MYO5C: variants seen among roughly 807,000 people sequenced by gnomAD.
MYO5C encodes the protein myosin VC, also known as unconventional myosin-Vc.
A neutral mutation model predicts 235.7 loss-of-function variants in MYO5C; 194 were observed. The observed-to-expected ratio is 0.82, with a 90% CI of 0.73 to 0.93. MYO5C has a LOEUF of 0.93. MYO5C is among the 40% of genes least tolerant of loss of function. The probability of loss-of-function intolerance (pLI) is 0.00; values close to 1 mark genes in which losing one functional copy is unlikely to be tolerated. For synonymous variants in MYO5C, 707 were observed against 754.8 expected, an observed-to-expected ratio of 0.94 and a Z score of 1.04; for missense variants, 2,038 against 2,127.2, an observed-to-expected ratio of 0.96 and a Z score of 0.82.
chr15:52,277,693 G>C (rs996634378), intron 4 of MYO5C: 5 of 377,000 alleles, frequency 1.3e-5, no homozygotes, highest in Non-Finnish European at 2.6e-5. Flanking sequence ...ATGGAAGACA[G>C]AGGTGAGAAC....
chr15:52,244,552 G>C lies in MYO5C; in HGVS notation c.2194C>G (p.Gln732Glu). The C allele has an allele frequency of 2.5e-6, 4 of 1,609,904 alleles. No individual in the cohort carries two copies. The highest frequency in any genetic ancestry group is 2.5e-6 in the Non-Finnish European group (3 of 1,176,946). The stretch of plus-strand genomic sequence containing the variant: ...AAGAAAATTTTGGTTTTACCAAACT[G>C]GTACTGATTAGAATCCTGGAAGAGA... ...HRLIQDSNQY[Q>E]FGKTKIFFRA... Residue 732 changes from glutamine (Q) to glutamate (E), a missense_variant, in exon 19 of 41, where the codon CAG becomes GAG. Transcript: ENST00000261839.
intron 20 of MYO5C, among the ~76,000 whole-genome samples, chr15:52,241,213 G>A (rs2036212606): frequency 6.7e-6 from 1 of 149,822 alleles, no homozygotes; most frequent in African/African-American, 2.5e-5. Flanking sequence ...CTGGCTGTGA[G>A]AGCTCTCTAC....
At chr15:52,216,094 C>T (rs1283686667) in intron 32 of MYO5C, among the ~76,000 whole-genome samples, 2 of 152,168 alleles carry the variant, frequency 1.3e-5, no homozygotes, top group African/African-American at 2.4e-5. Flanking sequence ...ATGATCCATA[C>T]CTTCAAATAA....
chr15:52,211,610 A>G (rs942008944), intron 35 of MYO5C, 120 bp downstream of exon 35: 37 of 1,145,396 alleles, frequency 3.2e-5, no homozygotes. Context: ...TTGGGCCTCA[A>G]ACTTGTTTGA....
chr15:52,293,278 T>C (rs61036537), intron 1 of MYO5C, among the ~76,000 whole-genome samples: 1 of 152,062 alleles, frequency 6.6e-6, no homozygotes, highest in Non-Finnish European at 1.5e-5. Context: ...GCCCTTCTGC[T>C]TCCTCTCACT....
At chr15:52,259,317 G>A (rs2036643082) in intron 10 of MYO5C, among the ~76,000 whole-genome samples, 1 of 151,890 alleles carries the variant, frequency 6.6e-6, no homozygotes, top group Non-Finnish European at 1.5e-5. Context: ...CTACCCAGGA[G>A]GCTGAGACAG....
At position 52,283,712 on chromosome 15, in the gene MYO5C, G is replaced by C. The variant is rs2037205243; in HGVS notation, c.28-820C>G. ...TTTTTTGAGATGGATTTTCATTCTT[G>C]TTGCCCAGGCTGTAGTGCAACAGCA... On this transcript the variant is annotated intron_variant, in intron 1 of 40. Coordinates refer to ENST00000261839, the MANE Select transcript of MYO5C (RefSeq NM_018728.4). Among the ~76,000 whole-genome samples the C allele has an allele frequency of 2.0e-5, 3 of 150,936 alleles. No homozygotes were observed. In the South Asian group the frequency reaches 6.3e-4, roughly 32 times the overall value.
At chr15:52,279,783 A>G (rs767503501) in intron 2 of MYO5C, 109 bp from the exon 3 acceptor site, 154 of 1,035,312 alleles carry the variant, frequency 1.5e-4, no homozygotes, top group Non-Finnish European at 2.0e-4. Context: ...CATCACTGAC[A>G]TTAAAAAGCA....
chr15:52,244,353 T>G lies in MYO5C; in HGVS notation c.2390+3A>C. The G allele has an allele frequency of 2.5e-6, 4 of 1,611,688 alleles. No homozygotes were observed. On this transcript the variant is annotated splice_donor_region_variant and intron_variant, in intron 19 of 40. Coordinates refer to ENST00000261839, the MANE Select transcript of MYO5C (RefSeq NM_018728.4). ...CCACATGTGTTCCTTGATTCCAACA[T>G]ACCTCACAGTTTGCTGACCCCGGAA... is the stretch of plus-strand genomic sequence containing the variant.
At chr15:52,280,958 G>A (rs2140859336) in intron 2 of MYO5C, among the ~76,000 whole-genome samples, 1 of 152,278 alleles carries the variant, frequency 6.6e-6, no homozygotes, top group African/African-American at 2.4e-5. Context: ...ATCCACAACT[G>A]GACACGGATG....
chr15:52,214,731 C>A, intron 32 of MYO5C, 41 bp from the exon 33 acceptor site: 7 of 1,303,930 alleles, frequency 5.4e-6, no homozygotes, highest in Non-Finnish European at 7.3e-6. Flanking sequence ...CTTAGAAGCA[C>A]TTTAATCTAT....
rs2034987984 is a variant in MYO5C, at chr15:52,193,881, G to A, written c.*21C>T. ...CCTTCACTTAGCTTTTGAAGAAAAA[G>A]TGCATTGACTTTTTCTCCTGCTATA... is the stretch of plus-strand genomic sequence containing the variant. On this transcript the variant is annotated 3_prime_UTR_variant, in exon 41 of 41. Transcript: ENST00000261839. 5.0e-6 allele frequency: 8 copies of A among 1,597,422 alleles called. No individual in the cohort carries two copies. Among genetic ancestry groups the A allele is most frequent in the Non-Finnish European group, 6.8e-6 (8 of 1,175,216 alleles).
At chr15:52,218,017 G>A (rs1486548993) in intron 32 of MYO5C, among the ~76,000 whole-genome samples, 1 of 152,180 alleles carries the variant, frequency 6.6e-6, no homozygotes, top group African/African-American at 2.4e-5. Context: ...ATTTTGGTAA[G>A]GGCATTTAAA....
chr15:52,241,018 G>C (rs1288879903), intron 20 of MYO5C, among the ~76,000 whole-genome samples: 1 of 152,000 alleles, frequency 6.6e-6, no homozygotes, highest in East Asian at 1.9e-4. Context: ...TTATTTTTTT[G>C]CCGTATGAAA....
chr15:52,229,320 AGC>A lies in MYO5C; in HGVS notation c.3027-9_3027-8del. ...AAAACTTTTTTCAAGAAGCCTACGC[AGC>A]AAAAGAAGAAAATAATTTAGAGCTG... On this transcript the variant is annotated splice_polypyrimidine_tract_variant and splice_region_variant and intron_variant, in intron 24 of 40. Transcript: ENST00000261839. 1 of 1,608,460 alleles carries A rather than the reference AGC, an allele frequency of 6.2e-7. No individual in the cohort carries two copies. Among genetic ancestry groups the A allele is most frequent in the Non-Finnish European group, 8.5e-7 (1 of 1,179,326 alleles).
At chr15:52,220,359 T>C (rs890848973) in intron 30 of MYO5C, among the ~76,000 whole-genome samples, 2 of 152,136 alleles carry the variant, frequency 1.3e-5, no homozygotes, top group African/African-American at 2.4e-5. Flanking sequence ...TATTTTTTTG[T>C]ATGTTTTTTC....
intron 36 of MYO5C, among the ~76,000 whole-genome samples, chr15:52,206,614 A>C (rs1405886526): frequency 6.6e-6 from 1 of 152,154 alleles, no homozygotes; most frequent in Non-Finnish European, 1.5e-5. Context: ...CTGTGAGGAC[A>C]CAGGGATGGA....
intron 38 of MYO5C, among the ~76,000 whole-genome samples, chr15:52,197,109 CATATG>C (rs1393186716): frequency 1.3e-5 from 2 of 152,162 alleles, no homozygotes; most frequent in African/African-American, 4.8e-5. Context: ...ACAGACTTAC[CATATG>C]ACACAGCAAT....
In MYO5C at chr15:52,246,026, T is replaced by C; in HGVS notation, c.1996A>G (p.Ile666Val). 1 of 1,614,090 alleles carries C rather than the reference T, an allele frequency of 6.2e-7. No homozygotes were observed. ...KLPFEFDSKR[I>V]VQQLRACGVL... ...CCGCAGGCTCGCAGCTGCTGAACAA[T>C]TCTTTTGGAGTCAAATCTTTAAAAA... Residue 666 changes from isoleucine to valine, a missense_variant, in exon 17 of 41, where the codon ATT becomes GTT. Transcript: ENST00000261839.
Sources: allele counts gnomAD v4.1 joint callset (sites outside exome capture counted in the v4.1 genomes callset), GRCh38; gene constraint gnomAD v4.1.1; transcripts MANE v1.5; gene names NCBI Gene and HGNC (gene_info 2026-07-23, HGNC 2026-07-21).